Variants in EGFLAM observed in about 807,000 individuals in gnomAD.
EGFLAM encodes the protein EGF like, fibronectin type III and laminin G domains.
Under a neutral mutation model 113.1 loss-of-function variants are expected in EGFLAM, and 79 were observed. That is an observed-to-expected ratio of 0.70 (90% CI 0.58 to 0.84). The LOEUF (loss-of-function observed/expected upper bound fraction) is 0.84, where lower values mean the gene tolerates loss of function less well. Among genes scored for constraint, EGFLAM ranks in the 40% least tolerant of loss-of-function variants. EGFLAM has a pLI of 0.00. For synonymous variants in EGFLAM, 504 were observed against 487.6 expected (o/e 1.03, Z -0.44); for missense variants, 1,265 against 1,291.6 (o/e 0.98, Z 0.32).
intron 1 of EGFLAM, among the ~76,000 whole-genome samples, chr5:38,291,623 C>G (rs113128636): frequency 6.6e-6 from 1 of 152,202 alleles, no homozygotes; most frequent in African/African-American, 2.4e-5. Context: ...ATGGTTTGCT[C>G]AATTCTGATG....
In EGFLAM at chr5:38,417,982, C is replaced by T. The variant is rs76915695; in HGVS notation, c.1495-84C>T. Reference sequence around the variant, plus strand: ...GCTGGGGCTGTCACTGACGTCTTAACCATGTCCCTCATAAAAATCTGGTGT... The same window carrying T: ...GCTGGGGCTGTCACTGACGTCTTAATCATGTCCCTCATAAAAATCTGGTGT... On this transcript the variant is annotated intron_variant, in intron 11 of 21. Transcript: ENST00000322350. 1,082 of 1,370,978 alleles carry T rather than the reference C, an allele frequency of 7.9e-4. 6 individuals carry two copies. The African/African-American group carries it at 0.014, about 18-fold the overall frequency. 84.9% of individuals were successfully genotyped at this position (1,370,978 alleles called of 1,614,324 possible). A position where few individuals can be genotyped will look rare whatever the true frequency, so the allele number is the denominator to read the frequency against.
chr5:38,392,139 A>G (rs1440755479), intron 6 of EGFLAM, among the ~76,000 whole-genome samples: 6 of 151,916 alleles, frequency 3.9e-5, no homozygotes, highest in African/African-American at 1.5e-4. Context: ...CCCAGTGTCT[A>G]TTGTTTTTCT....
chr5:38,387,991 TC>T (rs2112079920), intron 6 of EGFLAM, among the ~76,000 whole-genome samples: 2 of 152,272 alleles, frequency 1.3e-5, no homozygotes, highest in African/African-American at 4.8e-5. Flanking sequence ...GATGGGACCC[TC>T]CCCAGCTTAG....
chr5:38,386,115 T>C (rs1304736961), intron 6 of EGFLAM, among the ~76,000 whole-genome samples: 1 of 152,204 alleles, frequency 6.6e-6, no homozygotes, highest in Non-Finnish European at 1.5e-5. Context: ...TTGACCAGAA[T>C]GTCACTATGT....
intron 5 of EGFLAM, among the ~76,000 whole-genome samples, chr5:38,353,098 G>A (rs1326118830): frequency 6.6e-6 from 1 of 152,162 alleles, no homozygotes; most frequent in Non-Finnish European, 1.5e-5. Context: ...TCTTGGTTTG[G>A]CCTCAATGTT....
intron 17 of EGFLAM, among the ~76,000 whole-genome samples, chr5:38,446,511 C>T (rs1411843490): frequency 6.6e-6 from 1 of 152,106 alleles, no homozygotes; most frequent in Non-Finnish European, 1.5e-5. Flanking sequence ...CCCTGTTTCC[C>T]TTCCTCGTCT....
intron 1 of EGFLAM, among the ~76,000 whole-genome samples, chr5:38,296,992 T>C (rs1481533340): frequency 6.6e-6 from 1 of 151,986 alleles, no homozygotes; most frequent in Non-Finnish European, 1.5e-5. Flanking sequence ...CGACCAGTAC[T>C]CTTCAAAAAA....
At chr5:38,361,498 CA>C (rs1217550971) in intron 5 of EGFLAM, among the ~76,000 whole-genome samples, 1 of 152,144 alleles carries the variant, frequency 6.6e-6, no homozygotes, top group Non-Finnish European at 1.5e-5. Context: ...CATTTGGACA[CA>C]GGCAGTCATG....
intron 1 of EGFLAM, among the ~76,000 whole-genome samples, chr5:38,303,764 C>CA (rs1417798429): frequency 6.6e-6 from 1 of 151,326 alleles, no homozygotes; most frequent in Non-Finnish European, 1.5e-5. Context: ...GCTTTTTTTC[C>CA]AAAAAAATGG....
At chr5:38,286,255 G>A (rs1287110019) in intron 1 of EGFLAM, 1 of 152,202 alleles carries the variant, frequency 6.6e-6, no homozygotes, top group Non-Finnish European at 1.5e-5. Context: ...TTTCTTGACT[G>A]AGCCAGAAAG....
intron 6 of EGFLAM, among the ~76,000 whole-genome samples, chr5:38,385,862 T>C (rs1237052873): frequency 1.3e-5 from 2 of 152,222 alleles, no homozygotes; most frequent in Admixed American, 1.3e-4. Flanking sequence ...GTGATTTCCT[T>C]GTTGTGCGAA....
At chr5:38,454,430 A>T (rs765786322) in intron 19 of EGFLAM, among the ~76,000 whole-genome samples, 4 of 152,178 alleles carry the variant, frequency 2.6e-5, no homozygotes, top group Non-Finnish European at 5.9e-5. Context: ...CGCTGTAAAG[A>T]TTAAATGAAT....
chr5:38,429,195 T>A (rs956878204), intron 14 of EGFLAM, among the ~76,000 whole-genome samples: 6 of 152,224 alleles, frequency 3.9e-5, no homozygotes, highest in African/African-American at 1.2e-4. Flanking sequence ...ATGGCTGTGA[T>A]CGATAAAAGG....
intron 19 of EGFLAM, among the ~76,000 whole-genome samples, chr5:38,455,860 A>T (rs2112278153): frequency 6.6e-6 from 1 of 152,328 alleles, no homozygotes; most frequent in South Asian, 2.1e-4. Context: ...GGGCTCTTAG[A>T]CAACTGAAAA....
At chr5:38,269,996 T>C (rs960136416) in intron 1 of EGFLAM, among the ~76,000 whole-genome samples, 16 of 152,204 alleles carry the variant, frequency 1.1e-4, no homozygotes, top group African/African-American at 3.9e-4. Flanking sequence ...ATCATTGCTA[T>C]GTGCTTGAGT....
chr5:38,262,320 T>G (rs1256768452), intron 1 of EGFLAM, among the ~76,000 whole-genome samples: 1 of 152,204 alleles, frequency 6.6e-6, no homozygotes, highest in Non-Finnish European at 1.5e-5. Context: ...GCAGGCATAT[T>G]GCTAACTCTT....
intron 6 of EGFLAM, among the ~76,000 whole-genome samples, chr5:38,370,676 A>G (rs1740185643): frequency 6.6e-6 from 1 of 152,138 alleles, no homozygotes; most frequent in African/African-American, 2.4e-5. Flanking sequence ...CAGAGGATTT[A>G]TTTTTGCATC....
chr5:38,313,127 C>A (rs1301774607), intron 1 of EGFLAM, among the ~76,000 whole-genome samples: 1 of 152,042 alleles, frequency 6.6e-6, no homozygotes, highest in Non-Finnish European at 1.5e-5. Flanking sequence ...ATAAAATATA[C>A]AGAAAAGTAG....
chr5:38,288,859 G>A (rs1304333280), intron 1 of EGFLAM, among the ~76,000 whole-genome samples: 3 of 152,104 alleles, frequency 2.0e-5, no homozygotes, highest in African/African-American at 7.2e-5. Flanking sequence ...TCAATATTGG[G>A]GTGGTTTTGA....
Sources: allele counts gnomAD v4.1 joint callset (sites outside exome capture counted in the v4.1 genomes callset), GRCh38; gene constraint gnomAD v4.1.1; transcripts MANE v1.5; gene names NCBI Gene and HGNC (gene_info 2026-07-23, HGNC 2026-07-21).